The following NLK variants were observed in gnomAD, a reference collection of about 807,000 sequenced individuals.
The protein encoded by NLK is serine/threonine-protein kinase NLK.
In NLK, 11 loss-of-function variants were observed where a neutral mutation model predicts 59.0. That is an observed-to-expected ratio of 0.19 (90% CI 0.12 to 0.31). NLK has a LOEUF of 0.31. NLK is among the 10% of genes least tolerant of loss of function. The pLI, the probability that NLK is intolerant of heterozygous loss-of-function variation, is 1.00. For missense variants in NLK, 410 were observed against 661.1 expected (o/e 0.62, Z 4.16); for synonymous variants, 235 against 235.9 (o/e 1.00, Z 0.03).
intron 8 of NLK, among the ~76,000 whole-genome samples, chr17:28,186,837 G>A (rs1031536215): frequency 6.6e-6 from 1 of 152,196 alleles, no homozygotes; most frequent in Admixed American, 6.5e-5. Context: ...CATGTGGTAT[G>A]TGAAGTGCTT....
At chr17:28,188,564 AC>A (rs1909201653) in intron 8 of NLK, among the ~76,000 whole-genome samples, 1 of 152,028 alleles carries the variant, frequency 6.6e-6, no homozygotes, top group Admixed American at 6.6e-5. Context: ...CACAACCTCC[AC>A]CTCCTGGGTT....
At chr17:28,073,168 A>G (rs1456745007) in intron 1 of NLK, among the ~76,000 whole-genome samples, 1 of 152,160 alleles carries the variant, frequency 6.6e-6, no homozygotes, top group Non-Finnish European at 1.5e-5. Context: ...CAGTGGAGAC[A>G]TATTTCTGTT....
chr17:28,179,602 C>T lies in NLK; in HGVS notation c.1150-5577C>T, dbSNP rs535743768. On this transcript the variant is annotated intron_variant, in intron 7 of 10. Coordinates refer to ENST00000407008, the MANE Select transcript of NLK (RefSeq NM_016231.5). ...AAAGAAAGTTAGCCAGGCATGGTGG[C>T]AGACACCTGTAATCCCAGCTACTCG... Among the ~76,000 whole-genome samples, 150 of 152,132 alleles carry T rather than the reference C, an allele frequency of 9.9e-4. 1 individual carries two copies. The highest frequency in any genetic ancestry group is 3.5e-3 in the African/African-American group (146 of 41,500).
At chr17:28,174,593 A>G (rs1043874013) in intron 7 of NLK, among the ~76,000 whole-genome samples, 2 of 152,204 alleles carry the variant, frequency 1.3e-5, no homozygotes, top group African/African-American at 4.8e-5. Flanking sequence ...GCAGATGTTC[A>G]TGGTCTTTTA....
intron 2 of NLK, among the ~76,000 whole-genome samples, chr17:28,131,448 G>A (rs1047744928): frequency 8.6e-5 from 13 of 151,676 alleles, no homozygotes; most frequent in Non-Finnish European, 1.6e-4. Flanking sequence ...ATATATGCTT[G>A]AGAATTATAT....
chr17:28,054,482 C>T (rs1224847242), intron 1 of NLK, among the ~76,000 whole-genome samples: 2 of 152,074 alleles, frequency 1.3e-5, no homozygotes, highest in Admixed American at 1.3e-4. Flanking sequence ...CAAATAATGT[C>T]GACCAACAAA....
At chr17:28,135,798 C>T (rs542203766) in intron 3 of NLK, among the ~76,000 whole-genome samples, 10 of 152,332 alleles carry the variant, frequency 6.6e-5, no homozygotes, top group Middle Eastern at 3.4e-3. Context: ...ATAGTTCAGG[C>T]ACATATTGTT....
intron 7 of NLK, among the ~76,000 whole-genome samples, chr17:28,181,722 A>G (rs1270476618): frequency 2.0e-5 from 3 of 152,112 alleles, no homozygotes; most frequent in Non-Finnish European, 4.4e-5. Flanking sequence ...CAAGACTCAC[A>G]CAAGGCTGGG....
At chr17:28,066,486 A>G (rs1190342379) in intron 1 of NLK, among the ~76,000 whole-genome samples, 1 of 152,234 alleles carries the variant, frequency 6.6e-6, no homozygotes. Context: ...CATTGTATTA[A>G]TATATCACAA....
chr17:28,148,323 G>A (rs747131060), intron 3 of NLK, among the ~76,000 whole-genome samples: 9 of 150,784 alleles, frequency 6.0e-5, no homozygotes, highest in African/African-American at 9.8e-5. Context: ...TTATACATAC[G>A]TATGCACTAA....
At position 28,124,597 on chromosome 17, in the gene NLK, G is replaced by C. The variant is rs1906213610; in HGVS notation, c.588+1865G>C. ...TTTACTACCAGTTCCTCAGATTTTA[G>C]AAATAATTTAGAATAATGTCTAGTT... On this transcript the variant is annotated intron_variant, in intron 2 of 10. Transcript: ENST00000407008. Among the ~76,000 whole-genome samples, 4 of 152,232 alleles carry C rather than the reference G, an allele frequency of 2.6e-5. 1 individual carries two copies. In the South Asian group the frequency reaches 8.3e-4, roughly 32 times the overall value.
chr17:28,107,484 G>A (rs1905234602), intron 1 of NLK, among the ~76,000 whole-genome samples: 1 of 151,828 alleles, frequency 6.6e-6, no homozygotes. Flanking sequence ...GTAACTTGAA[G>A]GTTACCCAGA....
downstream of NLK, among the ~76,000 whole-genome samples, chr17:28,198,868 GAA>G (rs541904442): frequency 5.9e-5 from 9 of 152,312 alleles, no homozygotes; most frequent in South Asian, 1.9e-3. Context: ...AATCCTGAGA[GAA>G]AACCCCTGGA....
At chr17:28,094,335 A>G (rs183020820) in intron 1 of NLK, among the ~76,000 whole-genome samples, 1 of 152,316 alleles carries the variant, frequency 6.6e-6, no homozygotes, top group East Asian at 1.9e-4. Flanking sequence ...ACAAGCAAGA[A>G]CACATTTCAA....
chr17:28,044,557 C>T (rs1328403641), intron 1 of NLK, among the ~76,000 whole-genome samples: 2 of 152,130 alleles, frequency 1.3e-5, no homozygotes, highest in Non-Finnish European at 2.9e-5. Flanking sequence ...TCTGCTGCAG[C>T]GTGGTCCTTT....
chr17:28,195,154 A>C lies in NLK; in HGVS notation c.*518A>C, dbSNP rs1343436953. 6.6e-6 allele frequency: 1 copy of C among 151,670 alleles called. No homozygotes were observed. The highest frequency in any genetic ancestry group is 1.9e-4 in the East Asian group (1 of 5,166). 9.4% of individuals were successfully genotyped at this position (151,670 alleles called of 1,614,324 possible). ...GCTGATCGTGGCTGCACCTGGGGGG[A>C]GGGTAGGGAGGAGGGGCATGCCACC... is the stretch of plus-strand genomic sequence containing the variant. On this transcript the variant is annotated 3_prime_UTR_variant, in exon 11 of 11. Coordinates refer to ENST00000407008, the MANE Select transcript of NLK (RefSeq NM_016231.5).
chr17:28,066,422 G>T (rs1909826575), intron 1 of NLK, among the ~76,000 whole-genome samples: 1 of 152,128 alleles, frequency 6.6e-6, no homozygotes, highest in Non-Finnish European at 1.5e-5. Context: ...AATCCAGTGG[G>T]CACATTTCAG....
At chr17:28,162,120 A>C (rs1182039944) in intron 4 of NLK, among the ~76,000 whole-genome samples, 1 of 151,996 alleles carries the variant, frequency 6.6e-6, no homozygotes, top group Non-Finnish European at 1.5e-5. Context: ...GGTTCACGCC[A>C]TTCTCCTGCC....
chr17:28,170,168 G>GT (rs1300614305), intron 6 of NLK, among the ~76,000 whole-genome samples: 1 of 152,170 alleles, frequency 6.6e-6, no homozygotes, highest in African/African-American at 2.4e-5. Context: ...TGGAGGGAAG[G>GT]TATGTGATGG....
Sources: gnomAD v4.1 joint callset for allele counts (sites outside exome capture counted in the v4.1 genomes callset) on GRCh38, gnomAD v4.1.1 for gene constraint, MANE v1.5 for transcripts, NCBI Gene and HGNC (gene_info 2026-07-23, HGNC 2026-07-21) for gene names.